The following TENM1 variants were observed in gnomAD, a reference collection of about 807,000 sequenced individuals.
The protein encoded by TENM1 is teneurin transmembrane protein 1.
In TENM1, 35 loss-of-function variants were observed where a neutral mutation model predicts 174.8. The observed-to-expected ratio is 0.20, with a 90% CI of 0.15 to 0.27. The LOEUF is 0.27. Among genes scored for constraint, TENM1 ranks in the 10% least tolerant of loss-of-function variants. TENM1 has a pLI of 1.00. For synonymous variants in TENM1, 781 were observed against 798.7 expected, an observed-to-expected ratio of 0.98 and a Z score of 0.37; for missense variants, 1,633 against 2,130.1, an observed-to-expected ratio of 0.77 and a Z score of 4.59.
intron 4 of TENM1, among the ~76,000 whole-genome samples, chrX:124,712,063 T>G (rs1291862438): frequency 8.9e-6 from 1 of 112,287 alleles, no homozygotes; most frequent in Non-Finnish European, 1.9e-5. Flanking sequence ...TGTATGTATG[T>G]ACCATATTTT....
intron 27 of TENM1, among the ~76,000 whole-genome samples, chrX:124,393,247 A>T (rs1204467639): frequency 9.8e-6 from 1 of 102,029 alleles, no homozygotes; most frequent in Non-Finnish European, 2.0e-5. Context: ...ATGACTTAGT[A>T]AAAAAAAAAA....
the TENM1 span, among the ~76,000 whole-genome samples, chrX:125,062,756 C>T: frequency 1.8e-5 from 2 of 111,839 alleles, no homozygotes; most frequent in Non-Finnish European, 3.8e-5. Context: ...AGAATATTGA[C>T]TTAGCTCTGA....
the TENM1 span, among the ~76,000 whole-genome samples, chrX:124,988,259 G>A: frequency 1.8e-5 from 2 of 111,720 alleles, no homozygotes; most frequent in Non-Finnish European, 3.8e-5. Flanking sequence ...AATGAAAATG[G>A]AGACATTGCT....
intron 11 of TENM1, among the ~76,000 whole-genome samples, chrX:124,632,833 A>T (rs974167789): frequency 1.8e-5 from 2 of 112,229 alleles, no homozygotes; most frequent in African/African-American, 6.5e-5. Flanking sequence ...ACTCTTCTAT[A>T]TCTCCAATCA....
chrX:124,463,797 A>G (rs181470266), intron 22 of TENM1, among the ~76,000 whole-genome samples: 57 of 108,715 alleles, frequency 5.2e-4, no homozygotes, highest in Admixed American at 1.5e-3. Context: ...AGACACTGAT[A>G]ATAATGTGAT....
chrX:124,646,535 T>G (rs6608208), intron 9 of TENM1, among the ~76,000 whole-genome samples, 174 bp downstream of exon 12: 11,674 of 111,970 alleles, frequency 0.1, 1,232 homozygotes, highest in African/African-American at 0.33. Context: ...CACAAAGTGT[T>G]TAGAACAGTG....
At chrX:124,706,145 C>T (rs186382552) in intron 4 of TENM1, among the ~76,000 whole-genome samples, 5 of 112,072 alleles carry the variant, frequency 4.5e-5, no homozygotes, top group East Asian at 5.6e-4. Context: ...CCTAGTGGTC[C>T]GCCCGCCTAG....
chrX:124,525,529 AC>A (rs1427676842), intron 16 of TENM1, among the ~76,000 whole-genome samples: 1 of 112,505 alleles, frequency 8.9e-6, no homozygotes, highest in African/African-American at 3.2e-5. Context: ...TTATTTAAAA[AC>A]AAAAAACAAA....
intron 3 of TENM1, among the ~76,000 whole-genome samples, chrX:124,842,085 C>T (rs1212877733): frequency 9.0e-6 from 1 of 111,548 alleles, no homozygotes. Flanking sequence ...ACAAGTCTTT[C>T]CCTTCATTTT....
chrX:124,580,512 A>G (rs1351490585), intron 11 of TENM1, among the ~76,000 whole-genome samples: 1 of 109,553 alleles, frequency 9.1e-6, no homozygotes, highest in Non-Finnish European at 1.9e-5. Flanking sequence ...GTGTGTATAT[A>G]TATGCACACA....
chrX:125,150,700 AAAAG>A, the TENM1 span, among the ~76,000 whole-genome samples: 2 of 112,758 alleles, frequency 1.8e-5, no homozygotes, highest in African/African-American at 6.4e-5. Flanking sequence ...ATTATTTTAA[AAAAG>A]AAAGAGAAGA....
the TENM1 span, among the ~76,000 whole-genome samples, chrX:125,074,310 G>A: frequency 4.8e-5 from 5 of 104,417 alleles, no homozygotes; most frequent in Admixed American, 1.0e-4. Flanking sequence ...TTACCCTTTC[G>A]ACTCCCAGGT....
chrX:124,681,793 A>G (rs2052241187), intron 5 of TENM1, among the ~76,000 whole-genome samples: 1 of 111,803 alleles, frequency 8.9e-6, no homozygotes, highest in South Asian at 3.7e-4. Context: ...GTGAACACTA[A>G]ATGAGTCAGT....
chrX:124,446,994 C>T (rs759076798), intron 23 of TENM1, among the ~76,000 whole-genome samples: 17 of 112,056 alleles, frequency 1.5e-4, no homozygotes, highest in African/African-American at 5.5e-4. Flanking sequence ...CCATTCCTGT[C>T]AGCAGAAACA....
intron 22 of TENM1, among the ~76,000 whole-genome samples, chrX:124,463,622 A>T (rs1319550401): frequency 9.0e-6 from 1 of 111,212 alleles, no homozygotes; most frequent in Non-Finnish European, 1.9e-5. Context: ...GCTCAGGGGA[A>T]ATACTACACT....
chrX:125,171,543 G>T, the TENM1 span, among the ~76,000 whole-genome samples: 1 of 110,322 alleles, frequency 9.1e-6, no homozygotes, highest in Non-Finnish European at 1.9e-5. Context: ...ATTAGGTGAT[G>T]AGGGCAGAGT....
At chrX:125,171,643 T>C in the TENM1 span, among the ~76,000 whole-genome samples, 1 of 111,384 alleles carries the variant, frequency 9.0e-6, no homozygotes, top group Non-Finnish European at 1.9e-5. Flanking sequence ...AGAAGTCACA[T>C]CACTGTCAAG....
upstream of TENM1, among the ~76,000 whole-genome samples, chrX:124,967,857 C>T (rs1158075097): frequency 1.8e-5 from 2 of 111,911 alleles, no homozygotes; most frequent in African/African-American, 6.5e-5. Flanking sequence ...ATCCTCCACA[C>T]TGCCACTAGG....
At chrX:124,503,526 A>G in intron 19 of TENM1, 34 bp downstream of exon 22, 1 of 1,163,686 alleles carries the variant, frequency 8.6e-7, no homozygotes, top group Non-Finnish European at 1.2e-6. Flanking sequence ...GCATTAGGAA[A>G]GTAGTATTCA....
Sources: allele counts gnomAD v4.1 joint callset (sites outside exome capture counted in the v4.1 genomes callset), GRCh38; gene constraint gnomAD v4.1.1; transcripts MANE v1.5; gene names NCBI Gene and HGNC (gene_info 2026-07-23, HGNC 2026-07-21).